CLASP1: variants seen among roughly 807,000 people sequenced by gnomAD.
CLASP1 encodes CLIP-associating protein 1.
A neutral mutation model predicts 192.3 loss-of-function variants in CLASP1; 38 were observed. The ratio of observed to expected loss-of-function variants is 0.20; its 90% CI spans 0.15 to 0.26. CLASP1 has a LOEUF of 0.26. Ranked by LOEUF, CLASP1 falls within the 10% of genes least tolerant of loss-of-function variation. The probability of loss-of-function intolerance (pLI) is 1.00; values close to 1 mark genes in which losing one functional copy is unlikely to be tolerated. For synonymous variants in CLASP1, 691 were observed against 712.8 expected, an observed-to-expected ratio of 0.97 and a Z score of 0.49; for missense variants, 1,433 against 1,932.5, an observed-to-expected ratio of 0.74 and a Z score of 4.85.
Position 121,527,002 on chromosome 2 carries a change from G to T in CLASP1, c.470+797C>A, listed in dbSNP as rs558192577. On this transcript the variant is annotated intron_variant, in intron 5 of 39. Transcript: ENST00000263710. Reference sequence around the variant, plus strand: ...TGACAACATCCAATGGCTAGCAAGGGTATGAAGAAACCAGATTATTCGGAC... The same window carrying T: ...TGACAACATCCAATGGCTAGCAAGGTTATGAAGAAACCAGATTATTCGGAC... Among the ~76,000 whole-genome samples, 126 of 152,304 alleles carry T rather than the reference G, an allele frequency of 8.3e-4. 1 individual carries two copies. In the South Asian group the frequency reaches 0.024, roughly 30 times the overall value.
chr2:121,373,037 C>G (rs2069084209), intron 34 of CLASP1, among the ~76,000 whole-genome samples: 1 of 152,236 alleles, frequency 6.6e-6, no homozygotes, highest in South Asian at 2.1e-4. Flanking sequence ...TTTTGCACAT[C>G]TGATATGGTT....
intron 6 of CLASP1, among the ~76,000 whole-genome samples, chr2:121,521,911 C>A (rs1174110336): frequency 6.6e-6 from 1 of 152,090 alleles, no homozygotes; most frequent in African/African-American, 2.4e-5. Flanking sequence ...GCATTGGGAA[C>A]TGCAAAGAGG....
intron 2 of CLASP1, among the ~76,000 whole-genome samples, chr2:121,559,808 T>C (rs115111287): frequency 0.012 from 1,756 of 152,250 alleles, 35 homozygotes; most frequent in African/African-American, 0.039. Context: ...AAAAACCACT[T>C]AATTGTAAAC....
At chr2:121,449,705 C>T (rs1014921727) in intron 16 of CLASP1, among the ~76,000 whole-genome samples, 2 of 152,072 alleles carry the variant, frequency 1.3e-5, no homozygotes, top group Admixed American at 6.5e-5. Context: ...TTAATTATAT[C>T]ACTTATTTTG....
At chr2:121,549,365 T>A (rs1575882227) in intron 2 of CLASP1, among the ~76,000 whole-genome samples, 1 of 151,436 alleles carries the variant, frequency 6.6e-6, no homozygotes. Context: ...TGGTAAAGGG[T>A]TCAATTCAAC....
chr2:121,429,425 G>A (rs1441090537), intron 20 of CLASP1, among the ~76,000 whole-genome samples: 1 of 152,212 alleles, frequency 6.6e-6, no homozygotes, highest in Non-Finnish European at 1.5e-5. Context: ...AAAAGAGGAG[G>A]TGGGCCCCTT....
chr2:121,362,853 T>C (rs1348554686), intron 37 of CLASP1, among the ~76,000 whole-genome samples: 1 of 152,166 alleles, frequency 6.6e-6, no homozygotes, highest in Non-Finnish European at 1.5e-5. Context: ...AGAGGCTAAA[T>C]GCCAGAAAGC....
At chr2:121,587,396 A>G (rs1390354741) in intron 2 of CLASP1, among the ~76,000 whole-genome samples, 1 of 152,038 alleles carries the variant, frequency 6.6e-6, no homozygotes, top group East Asian at 1.9e-4. Flanking sequence ...TCCCTTTCCT[A>G]ATCCCCCTAC....
intron 22 of CLASP1, among the ~76,000 whole-genome samples, chr2:121,424,518 T>C (rs1318318037): frequency 2.0e-5 from 3 of 152,224 alleles, no homozygotes; most frequent in Non-Finnish European, 2.9e-5. Context: ...AGTTAGCGTA[T>C]GAATTAGATT....
chr2:121,558,784 A>C (rs1200320346), intron 2 of CLASP1, among the ~76,000 whole-genome samples: 2 of 152,188 alleles, frequency 1.3e-5, no homozygotes, highest in Non-Finnish European at 2.9e-5. Context: ...TCTTGCTGCC[A>C]ATTGGGGGAA....
At chr2:121,373,250 G>T (rs949939424) in intron 34 of CLASP1, among the ~76,000 whole-genome samples, 1 of 152,186 alleles carries the variant, frequency 6.6e-6, no homozygotes, top group African/African-American at 2.4e-5. Context: ...GCCACCATGT[G>T]AAGACATACT....
At chr2:121,518,174 T>C (rs1042514799) in intron 6 of CLASP1, among the ~76,000 whole-genome samples, 4 of 133,858 alleles carry the variant, frequency 3.0e-5, no homozygotes, top group Non-Finnish European at 4.5e-5. Context: ...GAGGTTGCAG[T>C]GAGCTGAGAT....
intron 2 of CLASP1, among the ~76,000 whole-genome samples, chr2:121,531,449 G>A (rs2094872678): frequency 6.6e-6 from 1 of 150,804 alleles, no homozygotes; most frequent in Non-Finnish European, 1.5e-5. Context: ...CAAAAAATTA[G>A]CCGGGCGAGG....
intron 2 of CLASP1, among the ~76,000 whole-genome samples, chr2:121,571,835 G>T (rs78463986): frequency 0.014 from 2,195 of 152,282 alleles, 50 homozygotes; most frequent in African/African-American, 0.049. Flanking sequence ...AAAAATATTA[G>T]AGGGTGTTGA....
intron 9 of CLASP1, among the ~76,000 whole-genome samples, 198 bp downstream of exon 9, chr2:121,469,610 T>C (rs1321704490): frequency 3.3e-5 from 5 of 152,156 alleles, no homozygotes; most frequent in African/African-American, 4.8e-5. Context: ...AAAGTCAACA[T>C]AGTAGCTCAA....
chr2:121,388,229 A>T (rs1038837859), intron 30 of CLASP1, among the ~76,000 whole-genome samples: 2 of 152,242 alleles, frequency 1.3e-5, no homozygotes, highest in African/African-American at 4.8e-5. Context: ...CAATTAAAAA[A>T]TTTTAAAAAG....
intron 9 of CLASP1, 80 bp downstream of exon 9, chr2:121,469,721 GAGGGCCA>G (rs1274397112): frequency 7.3e-7 from 1 of 1,365,230 alleles, no homozygotes; most frequent in East Asian, 2.4e-5. Context: ...TATCACTTCT[GAGGGCCA>G]CCACAGGCAA....
intron 2 of CLASP1, among the ~76,000 whole-genome samples, chr2:121,585,586 A>G (rs1285537298): frequency 6.6e-6 from 1 of 152,186 alleles, no homozygotes; most frequent in Non-Finnish European, 1.5e-5. Context: ...ATAGAAAGCA[A>G]TCAAGAGCTC....
intron 8 of CLASP1, among the ~76,000 whole-genome samples, chr2:121,500,915 G>A (rs759563685): frequency 1.1e-4 from 17 of 152,100 alleles, no homozygotes; most frequent in Non-Finnish European, 1.9e-4. Context: ...CTATGTGTGT[G>A]CACGTGCACA....
Sources: allele counts gnomAD v4.1 joint callset (sites outside exome capture counted in the v4.1 genomes callset), GRCh38; gene constraint gnomAD v4.1.1; transcripts MANE v1.5; gene names NCBI Gene and HGNC (gene_info 2026-07-23, HGNC 2026-07-21).